The following PTPRD variants were observed in gnomAD, a reference collection of about 807,000 sequenced individuals.
PTPRD encodes the protein protein tyrosine phosphatase receptor type D.
PTPRD carries 34 observed loss-of-function variants against 214.5 expected under a neutral mutation model. The ratio of observed to expected loss-of-function variants is 0.16; its 90% confidence interval spans 0.12 to 0.21. The LOEUF (loss-of-function observed/expected upper bound fraction) is 0.21. Ranked by LOEUF, PTPRD falls within the 10% of genes least tolerant of loss-of-function variation. The pLI, the probability that PTPRD is intolerant of heterozygous loss-of-function variation, is 1.00. For synonymous variants in PTPRD, 1,128 were observed against 845.7 expected (o/e 1.33, Z -5.79); for missense variants, 2,545 against 2,398.7 (o/e 1.06, Z -1.27).
chr9:9,395,313 A>C (rs1424638478), intron 9 of PTPRD, among the ~76,000 whole-genome samples: 2 of 152,062 alleles, frequency 1.3e-5, no homozygotes, highest in African/African-American at 4.8e-5. Flanking sequence ...AATGTAAGGG[A>C]TTTTCAACTC....
At chr9:10,013,776 T>G (rs1162356069) in intron 4 of PTPRD, among the ~76,000 whole-genome samples, 28 of 152,138 alleles carry the variant, frequency 1.8e-4, no homozygotes. Flanking sequence ...TCAACTTTTA[T>G]GTTTTAAATT....
rs554847320 is a variant in PTPRD at position 8,737,988 on chromosome 9, A to G, written c.-103-4042T>C. Among the ~76,000 whole-genome samples, 39 of 152,268 alleles carry G rather than the reference A, an allele frequency of 2.6e-4. 1 individual carries two copies. The highest frequency in any genetic ancestry group is 9.1e-4 in the African/African-American group (38 of 41,554). ...AGCAGGGACATGCAGATAGAACTCA[A>G]CCATGTATATGAATCTAAAATACAA... On this transcript the variant is annotated intron_variant, in intron 11 of 45. Transcript: ENST00000381196.
In PTPRD at chr9:9,855,223, T is replaced by C. The variant is rs576748267; in HGVS notation, c.-368+83284A>G. Among the ~76,000 whole-genome samples, 177 of 152,174 alleles carry C rather than the reference T, an allele frequency of 1.2e-3. 5 individuals carry two copies. Among genetic ancestry groups the C allele is most frequent in the Admixed American group, 1.8e-3 (28 of 15,284 alleles). ...ACTTTTTAACTTACAGCAGCTAAAA[T>C]GAAACATTACAGGAAGGAAATTTAA... On this transcript the variant is annotated intron_variant, in intron 5 of 45. Coordinates refer to ENST00000381196, the MANE Select transcript of PTPRD (RefSeq NM_002839.4).
In PTPRD at chr9:10,243,773, A is replaced by G. The variant is rs139837690; in HGVS notation, c.-545+97190T>C. Reference sequence around the variant, plus strand: ...CTCCAACCTCTAATTCAAGCCTCCTATTTCACCAGTCATATTTACAAGTCA... The same window carrying G: ...CTCCAACCTCTAATTCAAGCCTCCTGTTTCACCAGTCATATTTACAAGTCA... On this transcript the variant is annotated intron_variant, in intron 3 of 45. Transcript: ENST00000381196. 1.8e-3 allele frequency among the ~76,000 whole-genome samples: 272 copies of G among 152,004 alleles called. 1 individual carries two copies. The highest frequency in any genetic ancestry group is 6.2e-3 in the African/African-American group (256 of 41,488).
chr9:9,081,999 C>G (rs1334640034), intron 10 of PTPRD, among the ~76,000 whole-genome samples: 1 of 151,914 alleles, frequency 6.6e-6, no homozygotes, highest in Non-Finnish European at 1.5e-5. Context: ...AGCCCAAGAC[C>G]AGACAGATTC....
intron 11 of PTPRD, among the ~76,000 whole-genome samples, chr9:8,915,138 A>T (rs1476290070): frequency 6.6e-6 from 1 of 152,180 alleles, no homozygotes; most frequent in Admixed American, 6.6e-5. Context: ...CTCATATGTC[A>T]TGCTCAGGAT....
chr9:9,026,996 A>G (rs1315630028), intron 10 of PTPRD, among the ~76,000 whole-genome samples: 1 of 150,954 alleles, frequency 6.6e-6, no homozygotes, highest in Admixed American at 6.6e-5. Context: ...TTGAGTGCTG[A>G]TTTCTTTCTC....
chr9:9,839,212 C>G (rs1471358695), intron 5 of PTPRD, among the ~76,000 whole-genome samples: 2 of 152,036 alleles, frequency 1.3e-5, no homozygotes, highest in Admixed American at 6.6e-5. Context: ...GACAATTAGG[C>G]AGGAGAAGGA....
chr9:8,354,812 G>C (rs2076553231), intron 39 of PTPRD, among the ~76,000 whole-genome samples: 1 of 152,152 alleles, frequency 6.6e-6, no homozygotes, highest in South Asian at 2.1e-4. Context: ...TCCCCAGATG[G>C]ACCCAAGGTC....
chr9:10,255,025 T>G (rs548277889), intron 3 of PTPRD, among the ~76,000 whole-genome samples: 1 of 152,232 alleles, frequency 6.6e-6, no homozygotes, highest in South Asian at 2.1e-4. Flanking sequence ...TTAGAAAACA[T>G]GGCTTTGTAG....
At chr9:9,828,412 A>G (rs933298074) in intron 5 of PTPRD, among the ~76,000 whole-genome samples, 6 of 152,110 alleles carry the variant, frequency 3.9e-5, no homozygotes, top group Non-Finnish European at 8.8e-5. Context: ...CAAAAAACCA[A>G]ACACTGCATG....
chr9:10,268,613 G>A (rs2094236732), intron 3 of PTPRD, among the ~76,000 whole-genome samples: 2 of 152,046 alleles, frequency 1.3e-5, no homozygotes, highest in South Asian at 4.2e-4. Flanking sequence ...TATTTCTCCA[G>A]TTCAGGGCTT....
chr9:9,870,248 T>C (rs980939931), intron 5 of PTPRD, among the ~76,000 whole-genome samples: 2 of 152,162 alleles, frequency 1.3e-5, no homozygotes, highest in South Asian at 4.1e-4. Context: ...AAAAGATTTT[T>C]AAAATTCAAA....
chr9:8,482,509 C>G (rs2096908278), intron 30 of PTPRD, among the ~76,000 whole-genome samples: 2 of 151,946 alleles, frequency 1.3e-5, no homozygotes, highest in Admixed American at 6.6e-5. Flanking sequence ...TCAAACCTGG[C>G]ATAGCAAGTT....
At chr9:8,616,843 C>G (rs1224983920) in intron 14 of PTPRD, among the ~76,000 whole-genome samples, 1 of 152,118 alleles carries the variant, frequency 6.6e-6, no homozygotes, top group Non-Finnish European at 1.5e-5. Flanking sequence ...TTTAACTATG[C>G]TATTAATCCT....
intron 9 of PTPRD, among the ~76,000 whole-genome samples, chr9:9,188,078 A>C (rs2099932775): frequency 6.6e-6 from 1 of 152,080 alleles, no homozygotes; most frequent in South Asian, 2.1e-4. Flanking sequence ...TTTCCTCCTC[A>C]CCAAAGGTAA....
chr9:8,555,011 C>T (rs939000895), intron 14 of PTPRD, among the ~76,000 whole-genome samples: 3 of 152,062 alleles, frequency 2.0e-5, no homozygotes, highest in Non-Finnish European at 2.9e-5. Context: ...AAAATTGTTC[C>T]TCCAGATACT....
Position 9,040,518 on chromosome 9 carries a change from C to A in PTPRD, c.-142-21783G>T, listed in dbSNP as rs894598343. On this transcript the variant is annotated intron_variant, in intron 10 of 45. Coordinates refer to ENST00000381196, the MANE Select transcript of PTPRD (RefSeq NM_002839.4). ...CAACTAATTTACATATTCAACCGCA[C>A]TCTTGCATAGAGAAATTGGTGCCAC... 2.6e-5 allele frequency among the ~76,000 whole-genome samples: 4 copies of A among 152,180 alleles called. No homozygotes were observed. The East Asian group carries it at 7.7e-4, about 29-fold the overall frequency.
At chr9:8,781,994 C>G (rs62528837) in intron 11 of PTPRD, among the ~76,000 whole-genome samples, 63 of 148,578 alleles carry the variant, frequency 4.2e-4, no homozygotes, top group African/African-American at 1.5e-3. Context: ...ATTTTTCAAA[C>G]GGACAAAAAC....
Sources: allele counts gnomAD v4.1 joint callset (sites outside exome capture counted in the v4.1 genomes callset), GRCh38; gene constraint gnomAD v4.1.1; transcripts MANE v1.5; gene names NCBI Gene and HGNC (gene_info 2026-07-23, HGNC 2026-07-21).